NEK10: variants seen among roughly 807,000 people sequenced by gnomAD.
NEK10 encodes the protein NIMA related kinase 10.
In NEK10, 122 loss-of-function variants were observed where a neutral mutation model predicts 159.8. That is an observed-to-expected ratio of 0.76 (90% CI 0.66 to 0.89). The LOEUF (loss-of-function observed/expected upper bound fraction) is 0.89. Ranked by LOEUF, NEK10 falls within the 40% of genes least tolerant of loss-of-function variation. NEK10 has a pLI of 0.00. For synonymous variants in NEK10, 466 were observed against 457.1 expected, an observed-to-expected ratio of 1.02 and a Z score of -0.25; for missense variants, 1,342 against 1,323.1, an observed-to-expected ratio of 1.01 and a Z score of -0.22.
chr3:27,254,611 A>C (rs1385116096), intron 23 of NEK10, among the ~76,000 whole-genome samples: 2 of 151,200 alleles, frequency 1.3e-5, no homozygotes, highest in Admixed American at 1.3e-4. Flanking sequence ...ATCAGACAAG[A>C]GGCATTTCTA....
At chr3:27,154,189 T>C (rs1053794443) in intron 30 of NEK10, among the ~76,000 whole-genome samples, 10 of 152,112 alleles carry the variant, frequency 6.6e-5, no homozygotes, top group Non-Finnish European at 2.9e-5. Context: ...GAATATAAAC[T>C]AGAAAACCTA....
intron 8 of NEK10, 189 bp from the exon 9 acceptor site, chr3:27,311,205 G>C (rs977300446): frequency 4.6e-6 from 2 of 436,996 alleles, no homozygotes; most frequent in Non-Finnish European, 8.1e-6. Flanking sequence ...AAGCTCCACT[G>C]GTATTTATTT....
chr3:27,248,354 C>T (rs543850360), intron 23 of NEK10, among the ~76,000 whole-genome samples: 3 of 151,956 alleles, frequency 2.0e-5, no homozygotes, highest in African/African-American at 7.2e-5. Flanking sequence ...TCTTCATTTC[C>T]ATTGCTTTTA....
At chr3:27,335,049 A>G (rs1293811185) in intron 5 of NEK10, among the ~76,000 whole-genome samples, 1 of 152,142 alleles carries the variant, frequency 6.6e-6, no homozygotes, top group East Asian at 1.9e-4. Flanking sequence ...TAAAAAAAGA[A>G]CCAAAGTGGC....
At chr3:27,258,663 G>A (rs2040106141) in intron 22 of NEK10, among the ~76,000 whole-genome samples, 1 of 152,076 alleles carries the variant, frequency 6.6e-6, no homozygotes, top group African/African-American at 2.4e-5. Flanking sequence ...ATTGTGAATA[G>A]TGCCGCAATA....
intron 9 of NEK10, chr3:27,310,017 C>T (rs2044564611): frequency 6.6e-6 from 1 of 152,160 alleles, no homozygotes; most frequent in South Asian, 2.1e-4. Context: ...AAAAGTGCCT[C>T]CCAAAATGTC....
intron 6 of NEK10, among the ~76,000 whole-genome samples, chr3:27,315,544 T>C (rs2045088970): frequency 6.6e-6 from 1 of 152,050 alleles, no homozygotes; most frequent in Non-Finnish European, 1.5e-5. Context: ...ATATTGTACA[T>C]ATGATCTCTA....
intron 32 of NEK10, among the ~76,000 whole-genome samples, chr3:27,124,025 T>C (rs551723331): frequency 1.1e-4 from 16 of 152,188 alleles, no homozygotes; most frequent in Non-Finnish European, 7.4e-5. Context: ...TGTGTGTGTG[T>C]GTGTACAAGT....
chr3:27,261,198 G>T (rs982596858), intron 22 of NEK10, among the ~76,000 whole-genome samples: 3 of 152,076 alleles, frequency 2.0e-5, no homozygotes. Flanking sequence ...ATTTTTTGAA[G>T]GGTTTTTTTG....
intron 23 of NEK10, among the ~76,000 whole-genome samples, chr3:27,203,546 C>A (rs903617255): frequency 6.6e-6 from 1 of 151,056 alleles, no homozygotes; most frequent in Non-Finnish European, 1.5e-5. Context: ...CATATATGTA[C>A]ACTAAAAAAC....
chr3:27,120,355 A>T, intron 32 of NEK10, among the ~76,000 whole-genome samples: 1 of 146,562 alleles, frequency 6.8e-6, no homozygotes, highest in South Asian at 2.2e-4. Context: ...ACAGTGTCTC[A>T]CTCTGTCGCC....
At chr3:27,178,325 A>T (rs562788013) in intron 26 of NEK10, among the ~76,000 whole-genome samples, 45 of 152,320 alleles carry the variant, frequency 3.0e-4, no homozygotes, top group African/African-American at 1.0e-3. Flanking sequence ...TGCAATTTTT[A>T]AAATTGCCAG....
At chr3:27,296,497 T>C (rs1280966050) in intron 14 of NEK10, among the ~76,000 whole-genome samples, 1 of 152,212 alleles carries the variant, frequency 6.6e-6, no homozygotes, top group Non-Finnish European at 1.5e-5. Context: ...TAATCATTGA[T>C]GAGCTGATCC....
At chr3:27,305,072 A>C (rs1419566454) in intron 11 of NEK10, 101 bp from the exon 12 acceptor site, 2 of 738,834 alleles carry the variant, frequency 2.7e-6, no homozygotes, top group Non-Finnish European at 4.5e-6. Context: ...TATAACCCTA[A>C]CATTTTGTAA....
chr3:27,191,656 T>G (rs573235104), intron 26 of NEK10, among the ~76,000 whole-genome samples: 13 of 152,230 alleles, frequency 8.5e-5, no homozygotes, highest in Admixed American at 1.3e-4. Context: ...GCAAATGTTA[T>G]TTCCTTCTCT....
chr3:27,301,857 A>T, intron 12 of NEK10, 22 bp from the exon 13 acceptor site: 1 of 1,538,698 alleles, frequency 6.5e-7, no homozygotes, highest in African/African-American at 1.4e-5. Flanking sequence ...AAGTTAATGC[A>T]TAGACCATTT....
chr3:27,138,435 G>A (rs893177663), intron 31 of NEK10, among the ~76,000 whole-genome samples: 1 of 152,196 alleles, frequency 6.6e-6, no homozygotes, highest in Admixed American at 6.5e-5. Context: ...TCGACCTAGT[G>A]TGGGAGTGCC....
chr3:27,264,668 G>A (rs943258312), intron 22 of NEK10, among the ~76,000 whole-genome samples: 1 of 152,072 alleles, frequency 6.6e-6, no homozygotes, highest in East Asian at 1.9e-4. Flanking sequence ...GAGGCAGGTG[G>A]AACAACTGAG....
At chr3:27,203,719 A>G (rs1387006259) in intron 23 of NEK10, among the ~76,000 whole-genome samples, 1 of 151,968 alleles carries the variant, frequency 6.6e-6, no homozygotes, top group African/African-American at 2.4e-5. Flanking sequence ...ATAAATTGGC[A>G]TCAAAACAAT....
Sources: gnomAD v4.1 joint callset for allele counts (sites outside exome capture counted in the v4.1 genomes callset) on GRCh38, gnomAD v4.1.1 for gene constraint, MANE v1.5 for transcripts, NCBI Gene and HGNC (gene_info 2026-07-23, HGNC 2026-07-21) for gene names.